Variants in SPATS2 observed in about 807,000 individuals in gnomAD.
SPATS2 encodes spermatogenesis associated serine rich 2, also known as spermatogenesis-associated serine-rich protein 2.
SPATS2 carries 38 observed loss-of-function variants against 63.7 expected under a neutral mutation model. The observed-to-expected ratio is 0.60, with a 90% CI of 0.46 to 0.78. The LOEUF (loss-of-function observed/expected upper bound fraction) is 0.78, where lower values mean the gene tolerates loss of function less well. Among genes scored for constraint, SPATS2 ranks in the 30% least tolerant of loss-of-function variants. The pLI is 0.00. For synonymous variants in SPATS2, 207 were observed against 232.9 expected (o/e 0.89, Z 1.01); for missense variants, 588 against 666.2 (o/e 0.88, Z 1.29).
intron 2 of SPATS2, among the ~76,000 whole-genome samples, chr12:49,400,451 C>G (rs939999135): frequency 2.0e-5 from 3 of 152,102 alleles, no homozygotes; most frequent in Non-Finnish European, 2.9e-5. Context: ...GAGTATGTTT[C>G]TACAGTGCTG....
rs1430978354 is a variant in SPATS2, at chr12:49,496,896, A to C, written c.590A>C (p.His197Pro). Reference sequence around the variant, plus strand: ...AAGTCTTTGACTATGCACTCTATTCACAATTCTCAACAACCCAGGAATGCT... The same window carrying C: ...AAGTCTTTGACTATGCACTCTATTCCCAATTCTCAACAACCCAGGAATGCT... ...ETKSLTMHSI[H>P]NSQQPRNAAK... is the part of the protein sequence containing the mutation. Residue 197 changes from histidine to proline, a missense_variant, in exon 8 of 14, where the codon CAC (histidine) becomes CCC (proline). Transcript: ENST00000552918. 2 of 1,613,994 alleles carry C rather than the reference A, an allele frequency of 1.2e-6. No individual in the cohort carries two copies. The highest frequency in any genetic ancestry group is 2.2e-5 in the South Asian group (2 of 91,026).
intron 2 of SPATS2, among the ~76,000 whole-genome samples, chr12:49,432,788 T>C (rs1237352566): frequency 1.7e-4 from 26 of 152,344 alleles, no homozygotes; most frequent in Non-Finnish European, 1.5e-5. Context: ...AATATTCTCT[T>C]GTATGTATAT....
chr12:49,526,482 G>A lies in SPATS2; in HGVS notation c.*227G>A. ...TTCCCAGTGATATGGATTGAATCTG[G>A]TTGGTCATTTCCACCAGGAATCAGA... On this transcript the variant is annotated 3_prime_UTR_variant, in exon 14 of 14. Transcript: ENST00000552918. The A allele has an allele frequency of 1.8e-6, 1 of 570,804 alleles. No individual in the cohort carries two copies. Among genetic ancestry groups the A allele is most frequent in the East Asian group, 3.3e-5 (1 of 30,672 alleles). The allele number at this position is 570,804 out of a possible 1,614,324, so 35.4% of individuals were successfully genotyped here.
intron 2 of SPATS2, among the ~76,000 whole-genome samples, chr12:49,398,421 T>C (rs1378373835): frequency 4.6e-5 from 7 of 152,000 alleles, no homozygotes; most frequent in East Asian, 1.9e-4. Context: ...CCAGGGAAGA[T>C]TGAAGTCCTA....
intron 6 of SPATS2, among the ~76,000 whole-genome samples, chr12:49,492,241 A>G (rs2036504709): frequency 7.1e-6 from 1 of 140,768 alleles, no homozygotes; most frequent in African/African-American, 2.7e-5. Context: ...TCTTTTTGAG[A>G]TGGAGTTTTG....
At chr12:49,394,699 G>A (rs370458135) in intron 2 of SPATS2, among the ~76,000 whole-genome samples, 11 of 152,058 alleles carry the variant, frequency 7.2e-5, no homozygotes, top group East Asian at 5.8e-4. Flanking sequence ...ATCCTGCAAC[G>A]TTGCTAAACT....
intron 8 of SPATS2, among the ~76,000 whole-genome samples, chr12:49,498,887 A>G (rs556485206): frequency 6.1e-4 from 89 of 145,062 alleles, no homozygotes; most frequent in African/African-American, 2.2e-3. Context: ...TCCGCCTCCC[A>G]GTGATTCTCC....
chr12:49,474,876 T>A (rs1946093410), intron 3 of SPATS2, among the ~76,000 whole-genome samples: 1 of 152,228 alleles, frequency 6.6e-6, no homozygotes, highest in Non-Finnish European at 1.5e-5. Flanking sequence ...TCCACGTGAC[T>A]GGGGAGGCCT....
intron 2 of SPATS2, among the ~76,000 whole-genome samples, chr12:49,423,082 C>G (rs1945011227): frequency 6.6e-6 from 1 of 151,654 alleles, no homozygotes; most frequent in Non-Finnish European, 1.5e-5. Flanking sequence ...AAAGTCTTCC[C>G]TATTTGGGGG....
intron 2 of SPATS2, among the ~76,000 whole-genome samples, chr12:49,422,947 A>G (rs921593841): frequency 6.6e-6 from 1 of 151,992 alleles, no homozygotes; most frequent in East Asian, 1.9e-4. Flanking sequence ...GACTGTGACT[A>G]TGTGAATGTA....
At chr12:49,370,723 A>G (rs1221860047) in intron 1 of SPATS2, among the ~76,000 whole-genome samples, 1 of 152,154 alleles carries the variant, frequency 6.6e-6, no homozygotes, top group Non-Finnish European at 1.5e-5. Flanking sequence ...AGGGCTTAAA[A>G]GATCTTCCCG....
intron 2 of SPATS2, among the ~76,000 whole-genome samples, chr12:49,432,836 T>C (rs1239038170): frequency 2.6e-5 from 4 of 152,212 alleles, no homozygotes; most frequent in Non-Finnish European, 5.9e-5. Context: ...TAGACACCGG[T>C]TGCTTTCACC....
At chr12:49,426,205 C>CTTT (rs1218019445) in intron 2 of SPATS2, among the ~76,000 whole-genome samples, 1 of 146,306 alleles carries the variant, frequency 6.8e-6, no homozygotes, top group African/African-American at 2.5e-5. Flanking sequence ...TTTTGGTAAA[C>CTTT]TTTTTTTTTT....
intron 2 of SPATS2, among the ~76,000 whole-genome samples, chr12:49,419,743 A>T (rs1944947543): frequency 6.6e-6 from 1 of 152,236 alleles, no homozygotes. Flanking sequence ...CATATGACAT[A>T]TACTAGTAGA....
At chr12:49,454,898 AC>A (rs1189330139) in intron 2 of SPATS2, among the ~76,000 whole-genome samples, 3 of 150,978 alleles carry the variant, frequency 2.0e-5, no homozygotes, top group African/African-American at 4.9e-5. Flanking sequence ...AAAAAAAAAA[AC>A]AGTCCATTCT....
intron 3 of SPATS2, among the ~76,000 whole-genome samples, chr12:49,479,730 A>G (rs751442509): frequency 6.6e-6 from 1 of 152,224 alleles, no homozygotes; most frequent in African/African-American, 2.4e-5. Flanking sequence ...TATGATGTGA[A>G]TAATGTTAGT....
At chr12:49,445,608 C>T (rs1945496843) in intron 2 of SPATS2, among the ~76,000 whole-genome samples, 1 of 152,116 alleles carries the variant, frequency 6.6e-6, no homozygotes, top group South Asian at 2.1e-4. Flanking sequence ...GCCTCAACCT[C>T]CCAGGTTCAA....
At chr12:49,374,623 G>A (rs1428711274) in intron 2 of SPATS2, among the ~76,000 whole-genome samples, 2 of 152,040 alleles carry the variant, frequency 1.3e-5, no homozygotes, top group Non-Finnish European at 2.9e-5. Flanking sequence ...GTTACTTAAA[G>A]GTAACTTCTG....
At chr12:49,471,123 G>A (rs375427773) in intron 3 of SPATS2, among the ~76,000 whole-genome samples, 23 of 152,234 alleles carry the variant, frequency 1.5e-4, no homozygotes, top group African/African-American at 5.3e-4. Flanking sequence ...CCTGTAAAAT[G>A]GCAAGATTGC....
Sources: gnomAD v4.1 joint callset for allele counts (sites outside exome capture counted in the v4.1 genomes callset) on GRCh38, gnomAD v4.1.1 for gene constraint, MANE v1.5 for transcripts, NCBI Gene and HGNC (gene_info 2026-07-23, HGNC 2026-07-21) for gene names.